The following CSRNP3 variants were observed in gnomAD, a reference collection of about 807,000 sequenced individuals.
The protein encoded by CSRNP3 is cysteine/serine-rich nuclear protein 3.
CSRNP3 carries 12 observed loss-of-function variants against 48.0 expected under a neutral mutation model. That is an observed-to-expected ratio of 0.25 (90% confidence interval 0.16 to 0.41). CSRNP3 has a LOEUF of 0.41. CSRNP3 is among the 10% of genes least tolerant of loss of function. The probability of loss-of-function intolerance (pLI) is 1.00; values close to 1 mark genes in which losing one functional copy is unlikely to be tolerated. For missense variants in CSRNP3, 580 were observed against 724.4 expected, an observed-to-expected ratio of 0.80 and a Z score of 2.29; for synonymous variants, 263 against 269.7, an observed-to-expected ratio of 0.98 and a Z score of 0.24.
intron 3 of CSRNP3, chr2:165,574,243 A>T: frequency 1.4e-6 from 1 of 694,022 alleles, no homozygotes; most frequent in East Asian, 2.9e-5. Context: ...TTGACTGCAG[A>T]AGCGAGAGGA....
intron 2 of CSRNP3, among the ~76,000 whole-genome samples, chr2:165,498,537 C>A (rs187220284): frequency 5.3e-4 from 81 of 152,174 alleles, no homozygotes; most frequent in African/African-American, 1.7e-3. Flanking sequence ...ACTTTACTGG[C>A]TAGGGACAGA....
At chr2:165,525,630 C>T (rs371477192) in intron 3 of CSRNP3, among the ~76,000 whole-genome samples, 2 of 151,426 alleles carry the variant, frequency 1.3e-5, no homozygotes, top group African/African-American at 2.4e-5. Flanking sequence ...GGACTACAGG[C>T]GTGTGACACC....
At chr2:165,668,401 C>CTTTTTTTTTT (rs71393687) in intron 5 of CSRNP3, among the ~76,000 whole-genome samples, 44 of 111,488 alleles carry the variant, frequency 3.9e-4, no homozygotes, top group African/African-American at 4.9e-4. Context: ...TTCTTTCTTT[C>CTTTTTTTTTT]TTTTTTTTTT....
chr2:165,667,811 A>C (rs559888792), intron 5 of CSRNP3, among the ~76,000 whole-genome samples: 31 of 152,146 alleles, frequency 2.0e-4, no homozygotes, highest in Admixed American at 1.8e-3. Context: ...ACTTGCACAT[A>C]TATTTTGTGC....
intron 5 of CSRNP3, among the ~76,000 whole-genome samples, chr2:165,668,189 G>A (rs1303025335): frequency 1.3e-5 from 2 of 152,078 alleles, no homozygotes; most frequent in African/African-American, 4.8e-5. Flanking sequence ...TAAGTTAAAA[G>A]TCAGCTGAGA....
rs943625845 is a variant in CSRNP3 at position 165,659,010 on chromosome 2, G to A, written c.408+990G>A. Among the ~76,000 whole-genome samples, 43 of 152,326 alleles carry A rather than the reference G, an allele frequency of 2.8e-4. No individual in the cohort carries two copies. The East Asian group carries it at 4.2e-3, about 15-fold the overall frequency. Reference sequence around the variant, plus strand: ...GCAAGAAGAATGAAGTAACGTGAAGGAGGCAGGAATGAGGCTTTGTAAACC... The same window carrying A: ...GCAAGAAGAATGAAGTAACGTGAAGAAGGCAGGAATGAGGCTTTGTAAACC... On this transcript the variant is annotated intron_variant, in intron 5 of 6. Coordinates refer to ENST00000651982, the MANE Select transcript of CSRNP3 (RefSeq NM_001172173.2).
At chr2:165,632,658 TAG>T (rs1160589654) in intron 4 of CSRNP3, among the ~76,000 whole-genome samples, 4 of 152,218 alleles carry the variant, frequency 2.6e-5, no homozygotes, top group African/African-American at 7.2e-5. Context: ...TATGTTTAAA[TAG>T]AGTCTCCATG....
At chr2:165,541,208 T>C (rs1379005383) in intron 3 of CSRNP3, among the ~76,000 whole-genome samples, 2 of 147,582 alleles carry the variant, frequency 1.4e-5, no homozygotes, top group African/African-American at 5.0e-5. Flanking sequence ...AATCATATCC[T>C]CTACACCAAA....
chr2:165,610,813 C>T (rs2105309768), intron 4 of CSRNP3, among the ~76,000 whole-genome samples: 1 of 152,224 alleles, frequency 6.6e-6, no homozygotes, highest in Middle Eastern at 3.4e-3. Flanking sequence ...CAGCATCAAC[C>T]CTTTGCAGAA....
intron 4 of CSRNP3, among the ~76,000 whole-genome samples, chr2:165,634,295 G>A (rs536716284): frequency 2.6e-5 from 4 of 152,036 alleles, no homozygotes; most frequent in Middle Eastern, 3.4e-3. Context: ...AGCTGAGATC[G>A]CACCACTGCA....
At position 165,688,292 on chromosome 2, in the gene CSRNP3, G is replaced by T. The variant is rs910297480; in HGVS notation, c.*8539G>T. On this transcript the variant is annotated 3_prime_UTR_variant, in exon 7 of 7. Transcript: ENST00000651982. ...GTTCCTAAGAACCTCAGCCTTTATT[G>T]TGTCTTAGTAAAGTTGATCTGCTTT... The T allele has an allele frequency of 5.9e-5, 9 of 152,068 alleles. No individual in the cohort carries two copies. The highest frequency in any genetic ancestry group is 2.2e-4 in the African/African-American group (9 of 41,422). 9.4% of individuals were successfully genotyped at this position (152,068 alleles called of 1,614,324 possible).
chr2:165,508,460 CCTTT>C (rs1203260847), intron 2 of CSRNP3, among the ~76,000 whole-genome samples: 2 of 152,054 alleles, frequency 1.3e-5, no homozygotes, highest in Admixed American at 1.3e-4. Flanking sequence ...AATATTTCTT[CCTTT>C]CTTTCTTCTT....
chr2:165,568,379 C>T (rs994093024), intron 3 of CSRNP3, among the ~76,000 whole-genome samples: 2 of 152,262 alleles, frequency 1.3e-5, no homozygotes, highest in South Asian at 2.1e-4. Flanking sequence ...AGTCTCAATA[C>T]ATGCCTAAAT....
chr2:165,590,405 T>A (rs1426622977), intron 3 of CSRNP3, among the ~76,000 whole-genome samples: 2 of 152,222 alleles, frequency 1.3e-5, no homozygotes, highest in Non-Finnish European at 2.9e-5. Flanking sequence ...CATCTAACTT[T>A]CTTTTGTATC....
At chr2:165,476,935 A>G (rs1683969874) in intron 1 of CSRNP3, among the ~76,000 whole-genome samples, 1 of 152,170 alleles carries the variant, frequency 6.6e-6, no homozygotes, top group African/African-American at 2.4e-5. Context: ...GGAGCAAAAT[A>G]ATCCTCAGTA....
At chr2:165,515,733 G>C (rs1684572349) in intron 2 of CSRNP3, among the ~76,000 whole-genome samples, 1 of 151,010 alleles carries the variant, frequency 6.6e-6, no homozygotes, top group South Asian at 2.1e-4. Context: ...GCTATTTATA[G>C]ACATATGCAA....
chr2:165,634,396 A>C (rs770503142), intron 4 of CSRNP3, among the ~76,000 whole-genome samples: 3 of 152,192 alleles, frequency 2.0e-5, no homozygotes, highest in Non-Finnish European at 4.4e-5. Context: ...TACAAAAAAC[A>C]CATATTGAGC....
At chr2:165,542,606 A>C (rs923067723) in intron 3 of CSRNP3, among the ~76,000 whole-genome samples, 2 of 152,176 alleles carry the variant, frequency 1.3e-5, no homozygotes, top group Non-Finnish European at 2.9e-5. Context: ...ATCAAAATGT[A>C]TGATCAATTC....
intron 3 of CSRNP3, among the ~76,000 whole-genome samples, chr2:165,577,225 A>G (rs1292774863): frequency 6.6e-6 from 1 of 151,754 alleles, no homozygotes; most frequent in Non-Finnish European, 1.5e-5. Context: ...AAACAATCAC[A>G]TTTCTCTATT....
Sources: allele counts gnomAD v4.1 joint callset (sites outside exome capture counted in the v4.1 genomes callset), GRCh38; gene constraint gnomAD v4.1.1; transcripts MANE v1.5; gene names NCBI Gene and HGNC (gene_info 2026-07-23, HGNC 2026-07-21).